The following OXR1 variants were observed in gnomAD, a reference collection of about 807,000 sequenced individuals.
The protein encoded by OXR1 is oxidation resistance protein 1.
Under a neutral mutation model 104.6 loss-of-function variants are expected in OXR1, and 41 were observed. The ratio of observed to expected loss-of-function variants is 0.39; its 90% confidence interval spans 0.31 to 0.51. OXR1 has a LOEUF of 0.51. Ranked by LOEUF, OXR1 falls within the 20% of genes least tolerant of loss-of-function variation. The pLI is 0.77. For synonymous variants in OXR1, 348 were observed against 348.4 expected (o/e 1.00, Z 0.01); for missense variants, 955 against 1,031.9 (o/e 0.93, Z 1.02).
In OXR1 at chr8:106,700,467, A is replaced by G. The variant is rs777037591; in HGVS notation, c.676-2439A>G. 2.8e-4 allele frequency among the ~76,000 whole-genome samples: 43 copies of G among 152,198 alleles called. 1 individual carries two copies. The highest frequency in any genetic ancestry group is 5.9e-4 in the Non-Finnish European group (40 of 68,008). On this transcript the variant is annotated intron_variant, in intron 7 of 16. Transcript: ENST00000517566. Reference sequence around the variant, plus strand: ...TATGGGAACTTTGAGTGTGTAGCAGAGGGAAAGAAACTTAAAGAATATATC... The same window carrying G: ...TATGGGAACTTTGAGTGTGTAGCAGGGGGAAAGAAACTTAAAGAATATATC...
chr8:106,365,676 A>G (rs897982842), intron 2 of OXR1, among the ~76,000 whole-genome samples: 1 of 152,292 alleles, frequency 6.6e-6, no homozygotes, highest in African/African-American at 2.4e-5. Context: ...AATACACTAC[A>G]TTTTTAGAAT....
intron 3 of OXR1, among the ~76,000 whole-genome samples, chr8:106,524,797 G>A (rs1456082252): frequency 1.3e-5 from 2 of 152,162 alleles, no homozygotes; most frequent in East Asian, 3.9e-4. Context: ...GAATGAGGGA[G>A]GGGGCAGCAG....
chr8:106,468,757 A>T (rs1351660251), intron 2 of OXR1, among the ~76,000 whole-genome samples: 1 of 151,814 alleles, frequency 6.6e-6, no homozygotes, highest in Admixed American at 6.6e-5. Flanking sequence ...GTTGGACAAG[A>T]AAGAACACAG....
chr8:106,569,587 G>C (rs906229680), intron 3 of OXR1, among the ~76,000 whole-genome samples: 2 of 152,160 alleles, frequency 1.3e-5, no homozygotes, highest in Non-Finnish European at 2.9e-5. Flanking sequence ...CTATAACCCA[G>C]CGAAGATGCA....
chr8:106,416,354 A>G (rs1379287824), intron 2 of OXR1, among the ~76,000 whole-genome samples: 1 of 152,136 alleles, frequency 6.6e-6, no homozygotes, highest in African/African-American at 2.4e-5. Flanking sequence ...GCTACAATTT[A>G]AAATTAATTG....
rs183480041 is a variant in OXR1 at position 106,479,292 on chromosome 8, T to A, written c.24-39651T>A. Reference sequence around the variant, plus strand: ...CTTTTGGAAATTAGTACCAACCTAATGCTGTTAATAATTATGCATGCCATC... The same window carrying A: ...CTTTTGGAAATTAGTACCAACCTAAAGCTGTTAATAATTATGCATGCCATC... On this transcript the variant is annotated intron_variant, in intron 2 of 16. Coordinates refer to ENST00000517566, the MANE Select transcript of OXR1 (RefSeq NM_001198533.2). Among the ~76,000 whole-genome samples, 4 of 152,132 alleles carry A rather than the reference T, an allele frequency of 2.6e-5. No individual in the cohort carries two copies. In the East Asian group the frequency reaches 7.8e-4, roughly 30 times the overall value.
chr8:106,368,201 G>C (rs1045903239), intron 2 of OXR1, among the ~76,000 whole-genome samples: 12 of 151,952 alleles, frequency 7.9e-5, no homozygotes, highest in African/African-American at 2.9e-4. Context: ...CAAAGTTTAT[G>C]AAAATAATTC....
chr8:106,479,577 G>A (rs1821993721), intron 2 of OXR1, among the ~76,000 whole-genome samples: 1 of 152,032 alleles, frequency 6.6e-6, no homozygotes, highest in Non-Finnish European at 1.5e-5. Context: ...CAGCCTGCCT[G>A]ACCATCCACA....
chr8:106,447,817 A>G, intron 2 of OXR1: 1 of 1,247,492 alleles, frequency 8.0e-7, no homozygotes, highest in African/African-American at 1.5e-5. Flanking sequence ...TTTGGGTGAT[A>G]ACAGCTTGCT....
At chr8:106,472,119 T>C (rs1050689548) in intron 2 of OXR1, among the ~76,000 whole-genome samples, 1 of 151,728 alleles carries the variant, frequency 6.6e-6, no homozygotes. Context: ...TCCATGACGT[T>C]CCCATTTTCA....
chr8:106,416,821 C>T (rs1309384536), intron 2 of OXR1, among the ~76,000 whole-genome samples: 6 of 152,096 alleles, frequency 3.9e-5, no homozygotes, highest in Non-Finnish European at 2.9e-5. Context: ...CAAGGCCCTT[C>T]TTATTTCACC....
At chr8:106,299,804 G>A (rs1301122260) in intron 1 of OXR1, among the ~76,000 whole-genome samples, 1 of 150,638 alleles carries the variant, frequency 6.6e-6, no homozygotes, top group Non-Finnish European at 1.5e-5. Context: ...AGTGATTTAA[G>A]GCCTGAAGTA....
intron 2 of OXR1, among the ~76,000 whole-genome samples, chr8:106,459,980 C>A (rs1820815166): frequency 6.6e-6 from 1 of 152,156 alleles, no homozygotes; most frequent in South Asian, 2.1e-4. Context: ...TGTTGACTGT[C>A]AACTCCTCAC....
intron 1 of OXR1, among the ~76,000 whole-genome samples, chr8:106,291,870 CT>C (rs1279439221): frequency 6.6e-6 from 1 of 152,112 alleles, no homozygotes; most frequent in Non-Finnish European, 1.5e-5. Flanking sequence ...ACCATCAGAT[CT>C]TGTGAGACTT....
At chr8:106,390,837 C>A (rs578018057) in intron 2 of OXR1, among the ~76,000 whole-genome samples, 1 of 152,242 alleles carries the variant, frequency 6.6e-6, no homozygotes, top group Non-Finnish European at 1.5e-5. Context: ...ACACATAAGA[C>A]TCTCCAATAT....
chr8:106,617,987 A>C, intron 3 of OXR1: 1 of 1,451,188 alleles, frequency 6.9e-7, no homozygotes, highest in Non-Finnish European at 9.0e-7. Flanking sequence ...CAGAAACAGA[A>C]ACCTCTGAAT....
chr8:106,551,827 CATAT>C (rs56997959), intron 3 of OXR1, among the ~76,000 whole-genome samples: 7 of 141,738 alleles, frequency 4.9e-5, no homozygotes, highest in Non-Finnish European at 9.1e-5. Context: ...CACACACACA[CATAT>C]ATATATGTGT....
chr8:106,483,832 A>G (rs1428103252), intron 2 of OXR1, among the ~76,000 whole-genome samples: 1 of 152,094 alleles, frequency 6.6e-6, no homozygotes, highest in Admixed American at 6.6e-5. Context: ...AACCTCCCCC[A>G]GATAACCTTG....
intron 1 of OXR1, among the ~76,000 whole-genome samples, chr8:106,288,378 A>G (rs1432432934): frequency 6.6e-6 from 1 of 152,108 alleles, no homozygotes; most frequent in Non-Finnish European, 1.5e-5. Context: ...AGCATGAACC[A>G]CAGAGGAGCA....
Sources: gnomAD v4.1 joint callset for allele counts (sites outside exome capture counted in the v4.1 genomes callset) on GRCh38, gnomAD v4.1.1 for gene constraint, MANE v1.5 for transcripts, NCBI Gene and HGNC (gene_info 2026-07-23, HGNC 2026-07-21) for gene names.